The following MTUS2 variants were observed in gnomAD, a reference collection of about 807,000 sequenced individuals.
MTUS2 encodes microtubule-associated tumor suppressor candidate 2.
Under a neutral mutation model 114.1 loss-of-function variants are expected in MTUS2, and 40 were observed. The observed-to-expected ratio is 0.35, with a 90% CI of 0.27 to 0.46. The LOEUF (loss-of-function observed/expected upper bound fraction) is 0.46, where lower values mean the gene tolerates loss of function less well. Among genes scored for constraint, MTUS2 ranks in the 20% least tolerant of loss-of-function variants. MTUS2 has a pLI of 1.00. For synonymous variants in MTUS2, 688 were observed against 672.0 expected (o/e 1.02, Z -0.37); for missense variants, 1,679 against 1,705.4 (o/e 0.98, Z 0.27).
intron 8 of MTUS2, among the ~76,000 whole-genome samples, chr13:29,436,216 C>A (rs765898983): frequency 2.6e-5 from 4 of 152,156 alleles, no homozygotes; most frequent in Non-Finnish European, 5.9e-5. Flanking sequence ...CTTGTTGTTG[C>A]ATCTATCTAA....
chr13:29,046,718 C>CT (rs1274937162), intron 4 of MTUS2, among the ~76,000 whole-genome samples: 1 of 120,128 alleles, frequency 8.3e-6, no homozygotes, highest in African/African-American at 3.2e-5. Context: ...TTCATAGTAC[C>CT]CCTCCCCCAC....
At chr13:29,244,905 G>A (rs948921974) in intron 5 of MTUS2, among the ~76,000 whole-genome samples, 216 of 127,760 alleles carry the variant, frequency 1.7e-3, no homozygotes, top group Non-Finnish European at 2.7e-3. Context: ...GCAGTGAGCC[G>A]AGATCCCGCC....
At chr13:29,035,750 C>T (rs577528347) in intron 4 of MTUS2, among the ~76,000 whole-genome samples, 9 of 152,178 alleles carry the variant, frequency 5.9e-5, no homozygotes, top group African/African-American at 2.2e-4. Flanking sequence ...GATAGTTTCC[C>T]TTAACTTGAG....
chr13:29,089,626 T>C (rs1457966338), intron 4 of MTUS2, among the ~76,000 whole-genome samples: 2 of 152,224 alleles, frequency 1.3e-5, no homozygotes, highest in African/African-American at 4.8e-5. Context: ...GATAATCTTA[T>C]ATTTCTTGCT....
intron 2 of MTUS2, among the ~76,000 whole-genome samples, chr13:28,973,955 T>A (rs946414336): frequency 1.3e-5 from 2 of 152,228 alleles, no homozygotes; most frequent in African/African-American, 4.8e-5. Context: ...TTCAGCAGCC[T>A]GTGTTTTTAT....
Position 29,105,649 on chromosome 13 carries a change from G to GTTTTT in MTUS2, c.2644+4682_2644+4686dup, listed in dbSNP as rs71090225. Reference sequence around the variant, plus strand: ...AAAAAAAATTAGAAGTTTTTCTCCTGTTTTTTTCTTTTTTTCCTGGTGCAC... The same window carrying GTTTTT: ...AAAAAAAATTAGAAGTTTTTCTCCTGTTTTTTTTTTTTCTTTTTTTCCTGGTGCAC... On this transcript the variant is annotated intron_variant, in intron 5 of 15. Transcript: ENST00000612955. Among the ~76,000 whole-genome samples the GTTTTT allele has an allele frequency of 2.2e-3, 217 of 96,580 alleles. 3 individuals carry two copies. Among genetic ancestry groups the GTTTTT allele is most frequent in the African/African-American group, 6.6e-3 (198 of 30,116 alleles). The allele number at this position is 96,580 out of a possible 152,430, so 63.4% of individuals were successfully genotyped here.
At chr13:29,010,596 A>T (rs1260742928) in intron 2 of MTUS2, among the ~76,000 whole-genome samples, 2 of 150,984 alleles carry the variant, frequency 1.3e-5, no homozygotes, top group African/African-American at 4.9e-5. Flanking sequence ...TGCGGACCAC[A>T]CTCTCAGCCT....
chr13:29,335,605 C>G (rs758225409), intron 7 of MTUS2, among the ~76,000 whole-genome samples: 3 of 152,130 alleles, frequency 2.0e-5, no homozygotes, highest in Non-Finnish European at 4.4e-5. Context: ...TGTGATATCT[C>G]CCCCAGACAC....
chr13:29,049,528 CCT>C (rs1887794012), intron 4 of MTUS2, among the ~76,000 whole-genome samples: 1 of 152,340 alleles, frequency 6.6e-6, no homozygotes, highest in Admixed American at 6.5e-5. Flanking sequence ...GGACTGTTCT[CCT>C]CTCTCGTTCC....
Position 29,503,157 on chromosome 13 carries a change from C to A in MTUS2, c.4061C>A (p.Ser1354Tyr), listed in dbSNP as rs529559020. 1 of 1,614,218 alleles carries A rather than the reference C, an allele frequency of 6.2e-7. No individual in the cohort carries two copies. The highest frequency in any genetic ancestry group is 8.5e-7 in the Non-Finnish European group (1 of 1,180,042). ...LSPTSPVYRG[S>Y]SSGPSSPARV... ...CCCACATCTCCCGTTTACCGCGGCT[C>A]CTCCTCGGGGCCCTCCTCTCCGGCC... Residue 1354 changes from serine (S) to tyrosine (Y), a missense_variant, in exon 16 of 16, where the codon TCC becomes TAC. This residue lies in a region of MTUS2 where 822 missense variants were observed against 899.7 expected (regional missense o/e 0.91). Coordinates refer to ENST00000612955, the MANE Select transcript of MTUS2 (RefSeq NM_001033602.4).
At chr13:29,347,689 C>G (rs1040487102) in intron 7 of MTUS2, among the ~76,000 whole-genome samples, 1 of 152,160 alleles carries the variant, frequency 6.6e-6, no homozygotes, top group African/African-American at 2.4e-5. Flanking sequence ...ACAGACCACA[C>G]AGGTTAAGGG....
rs1898263660 is a variant in MTUS2 at position 29,281,434 on chromosome 13, T to TGTGTGTGTGTGTGTGC, written c.2645-269_2645-254dup. 2.0e-5 allele frequency among the ~76,000 whole-genome samples: 3 copies of TGTGTGTGTGTGTGTGC among 150,804 alleles called. No homozygotes were observed. The South Asian group carries it at 6.3e-4, about 31-fold the overall frequency. Reference sequence around the variant, plus strand: ...GTATGTATGTCTGTGTGTGTGTGTGTGTGTGTGTGTGTGTGCATGCAGGCT... The same window carrying TGTGTGTGTGTGTGTGC: ...GTATGTATGTCTGTGTGTGTGTGTGTGTGTGTGTGTGTGTGCGTGTGTGTGTGTGTGCATGCAGGCT... On this transcript the variant is annotated intron_variant, in intron 5 of 15. Transcript: ENST00000612955.
chr13:29,071,950 G>A (rs972919817), intron 4 of MTUS2: 1 of 152,288 alleles, frequency 6.6e-6, no homozygotes, highest in African/African-American at 2.4e-5. Context: ...GTGGGTGGGG[G>A]TATATAGTTC....
intron 2 of MTUS2, among the ~76,000 whole-genome samples, chr13:28,879,892 A>T (rs1468857153): frequency 1.3e-5 from 2 of 152,084 alleles, no homozygotes; most frequent in African/African-American, 2.4e-5. Flanking sequence ...AAGTGGTTGA[A>T]TTGATCCAGG....
At chr13:29,338,113 C>G (rs1291395211) in intron 7 of MTUS2, among the ~76,000 whole-genome samples, 1 of 151,928 alleles carries the variant, frequency 6.6e-6, no homozygotes, top group Admixed American at 6.6e-5. Context: ...ATCTTGCCAG[C>G]CACCCTACCT....
intron 2 of MTUS2, among the ~76,000 whole-genome samples, chr13:28,894,137 A>G (rs1879089409): frequency 6.6e-6 from 1 of 151,378 alleles, no homozygotes; most frequent in African/African-American, 2.4e-5. Context: ...TTCACCCTAC[A>G]ATTCATATAT....
At chr13:29,151,038 T>C (rs1343360049) in intron 5 of MTUS2, among the ~76,000 whole-genome samples, 1 of 152,160 alleles carries the variant, frequency 6.6e-6, no homozygotes, top group African/African-American at 2.4e-5. Flanking sequence ...TTTTTTGGTT[T>C]CATATGAATT....
At chr13:29,181,762 C>T (rs1894014488) in intron 5 of MTUS2, among the ~76,000 whole-genome samples, 1 of 149,566 alleles carries the variant, frequency 6.7e-6, no homozygotes, top group Non-Finnish European at 1.5e-5. Context: ...AGAGCTTTTT[C>T]AGAAATCATT....
In MTUS2 at chr13:29,387,146, T is replaced by G. The variant is rs192923308; in HGVS notation, c.3117+27673T>G. Among the ~76,000 whole-genome samples the G allele has an allele frequency of 3.1e-3, 469 of 152,266 alleles. 8 individuals are homozygous for G. The highest frequency in any genetic ancestry group is 0.026 in the Admixed American group (402 of 15,294). Reference sequence around the variant, plus strand: ...TATAACCTGAAAGATATGCGTAAATTCAGAACTTTACAGACGTGTCATAAG... The same window carrying G: ...TATAACCTGAAAGATATGCGTAAATGCAGAACTTTACAGACGTGTCATAAG... On this transcript the variant is annotated intron_variant, in intron 8 of 15. Transcript: ENST00000612955.
Sources: allele counts gnomAD v4.1 joint callset (sites outside exome capture counted in the v4.1 genomes callset), GRCh38; gene constraint gnomAD v4.1.1; regional missense constraint gnomAD v4.1.1; transcripts MANE v1.5; gene names NCBI Gene and HGNC (gene_info 2026-07-23, HGNC 2026-07-21).